HEATR5B: variants seen among roughly 807,000 people sequenced by gnomAD.
HEATR5B encodes the protein HEAT repeat containing 5B.
In HEATR5B, 156 loss-of-function variants were observed where a neutral mutation model predicts 224.1. The ratio of observed to expected loss-of-function variants is 0.70; its 90% confidence interval spans 0.61 to 0.80. The LOEUF (loss-of-function observed/expected upper bound fraction) is 0.80. Ranked by LOEUF, HEATR5B falls within the 30% of genes least tolerant of loss-of-function variation. The probability of loss-of-function intolerance (pLI) is 0.00; values close to 1 mark genes in which losing one functional copy is unlikely to be tolerated. For missense variants in HEATR5B, 2,323 were observed against 2,535.5 expected, an observed-to-expected ratio of 0.92 and a Z score of 1.80; for synonymous variants, 1,027 against 893.0, an observed-to-expected ratio of 1.15 and a Z score of -2.68.
chr2:37,020,936 TC>T (rs2148439387), intron 24 of HEATR5B, 100 bp from the exon 25 acceptor site: 1 of 672,912 alleles, frequency 1.5e-6, no homozygotes, highest in South Asian at 2.4e-5. Flanking sequence ...AAAAACACAA[TC>T]CACATATTTC....
chr2:36,989,989 CCTCCTGGGTTCAAGTGATT>C (rs2148332866), intron 34 of HEATR5B, among the ~76,000 whole-genome samples: 1 of 149,396 alleles, frequency 6.7e-6, no homozygotes, highest in African/African-American at 2.5e-5. Flanking sequence ...ACTCACTCCA[CCTCCTGGGTTCAAGTGATT>C]CTCCTGCCTC....
Position 36,989,685 on chromosome 2 carries a change from TGAAG to T in HEATR5B, c.5698-830_5698-827del, listed in dbSNP as rs983058782. The stretch of plus-strand genomic sequence containing the variant: ...TCAGATTAACACTTTTTTAAAAAAA[TGAAG>T]GAAGGAAAGAAGGAAGAGAGGGAGG... On this transcript the variant is annotated intron_variant, in intron 34 of 35. Transcript: ENST00000233099. Among the ~76,000 whole-genome samples, 17 of 151,862 alleles carry T rather than the reference TGAAG, an allele frequency of 1.1e-4. No homozygotes were observed. In the East Asian group the frequency reaches 2.9e-3, roughly 26 times the overall value.
Position 37,078,418 on chromosome 2 carries a change from G to C in HEATR5B, c.338+702C>G, listed in dbSNP as rs535922701. On this transcript the variant is annotated intron_variant, in intron 3 of 35. Transcript: ENST00000233099. ...CCATGGATCCACTGGAAATACATAT[G>C]AATGTATAATCAATTCTACTTAACC... 4.6e-5 allele frequency among the ~76,000 whole-genome samples: 7 copies of C among 152,304 alleles called. No individual in the cohort carries two copies. The East Asian group carries it at 1.3e-3, about 29-fold the overall frequency.
intron 16 of HEATR5B, chr2:37,055,045 G>A (rs767817771): frequency 3.0e-5 from 11 of 372,030 alleles, no homozygotes; most frequent in Non-Finnish European, 6.1e-5. Context: ...TGCACATTTT[G>A]ATGTACTTTA....
At chr2:37,016,591 A>C (rs1054432319) in intron 26 of HEATR5B, among the ~76,000 whole-genome samples, 8 of 152,230 alleles carry the variant, frequency 5.3e-5, no homozygotes, top group Non-Finnish European at 7.3e-5. Context: ...TACAAATCAC[A>C]ATAAGAAAGA....
chr2:37,070,088 T>A, intron 7 of HEATR5B, 142 bp downstream of exon 7: 1 of 710,356 alleles, frequency 1.4e-6, no homozygotes. Context: ...TTAGTAGACA[T>A]GGGGTTTCAC....
In HEATR5B at chr2:37,022,457, G is replaced by A. The variant is rs183210461; in HGVS notation, c.3854-1621C>T. Reference sequence around the variant, plus strand: ...CTCCCAAAGTGCTGGGATAACAGGCGTGAGCCACCATGCCTGGGCTCAGGC... The same window carrying A: ...CTCCCAAAGTGCTGGGATAACAGGCATGAGCCACCATGCCTGGGCTCAGGC... On this transcript the variant is annotated intron_variant, in intron 24 of 35. Coordinates refer to ENST00000233099, the MANE Select transcript of HEATR5B (RefSeq NM_019024.3). Among the ~76,000 whole-genome samples, 76 of 152,308 alleles carry A rather than the reference G, an allele frequency of 5.0e-4. 2 individuals are homozygous for A. The highest frequency in any genetic ancestry group is 4.0e-3 in the Admixed American group (61 of 15,296).
intron 35 of HEATR5B, among the ~76,000 whole-genome samples, chr2:36,984,129 G>T (rs1378043912): frequency 1.4e-5 from 2 of 144,362 alleles, no homozygotes; most frequent in Non-Finnish European, 1.5e-5. Flanking sequence ...GAACTCGGGA[G>T]GCGGAGGTTG....
At chr2:37,082,088 AGATGGAGTTTCACTC>A (rs1672614180) in intron 2 of HEATR5B, among the ~76,000 whole-genome samples, 1 of 7,702 alleles carries the variant, frequency 1.3e-4, no homozygotes, top group African/African-American at 3.0e-4. Context: ...TTTTTTTTTC[AGATGGAGTTTCACTC>A]TTGTCCCCCG....
chr2:37,083,323 C>A lies in HEATR5B; in HGVS notation c.92G>T (p.Arg31Leu). Residue 31 changes from arginine (R) to leucine (L), a missense_variant, in exon 2 of 36, where the codon CGA becomes CTA. By Grantham distance (102) the Arg-to-Leu change is moderately radical. Around this residue, in one of 12 missense-constraint regions of HEATR5B, gnomAD observed 292 missense variants for 332.6 expected, o/e 0.88. Transcript: ENST00000233099. Reference sequence around the variant, plus strand: ...AGCAACCAAGACTTTATCAAGAAATCGCAACCATTCAAAGATGAAAACTGG... The same window carrying A: ...AGCAACCAAGACTTTATCAAGAAATAGCAACCATTCAAAGATGAAAACTGG... ...KRPVFIFEWLRFLDKVLVAAN... is the reference protein window; with the variant it reads ...KRPVFIFEWLLFLDKVLVAAN... 6.2e-7 allele frequency: 1 copy of A among 1,614,068 alleles called. No individual in the cohort carries two copies. The highest frequency in any genetic ancestry group is 8.5e-7 in the Non-Finnish European group (1 of 1,179,974).
intron 33 of HEATR5B, 126 bp downstream of exon 33, chr2:37,000,460 G>A: frequency 1.4e-6 from 1 of 704,190 alleles, no homozygotes; most frequent in Non-Finnish European, 2.5e-6. Flanking sequence ...TGAAAGATAT[G>A]ACTAACATAC....
intron 2 of HEATR5B, among the ~76,000 whole-genome samples, chr2:37,082,086 T>TTTTTTTTTTTTTTTTTTTTTTGTTTTTC (rs371663046): frequency 1.8e-5 from 1 of 55,978 alleles, no homozygotes; most frequent in African/African-American, 5.7e-5. Context: ...TTTTTTTTTT[T>TTTTTTTTTTTTTTTTTTTTTTGTTTTTC]CAGATGGAGT....
chr2:37,019,271 T>C (rs1325916369), intron 26 of HEATR5B, among the ~76,000 whole-genome samples: 1 of 152,174 alleles, frequency 6.6e-6, no homozygotes, highest in Non-Finnish European at 1.5e-5. Flanking sequence ...GTCTATATTG[T>C]GAAATTCTCC....
chr2:37,024,668 C>A (rs962845421), intron 24 of HEATR5B, among the ~76,000 whole-genome samples: 3 of 152,090 alleles, frequency 2.0e-5, no homozygotes, highest in Non-Finnish European at 4.4e-5. Flanking sequence ...CAAGGCAGTA[C>A]AAAGTAGATT....
chr2:36,999,547 C>T (rs979290770), intron 33 of HEATR5B, among the ~76,000 whole-genome samples: 3 of 151,416 alleles, frequency 2.0e-5, no homozygotes, highest in Non-Finnish European at 2.9e-5. Flanking sequence ...GGCACGGTTG[C>T]GCACACCTGT....
At chr2:37,030,459 ACT>A (rs1669060469) in intron 22 of HEATR5B, among the ~76,000 whole-genome samples, 1 of 152,230 alleles carries the variant, frequency 6.6e-6, no homozygotes, top group Admixed American at 6.5e-5. Flanking sequence ...TTGATTAATC[ACT>A]GAGGACAAAT....
chr2:37,072,067 A>C, intron 6 of HEATR5B, 43 bp downstream of exon 6: 1 of 1,485,318 alleles, frequency 6.7e-7, no homozygotes, highest in Non-Finnish European at 9.2e-7. Flanking sequence ...TGCAATAACT[A>C]ATTAGGTCTG....
intron 16 of HEATR5B, among the ~76,000 whole-genome samples, chr2:37,054,018 A>G (rs1320047817): frequency 2.0e-5 from 3 of 152,024 alleles, no homozygotes; most frequent in Non-Finnish European, 4.4e-5. Flanking sequence ...AAATACTCTT[A>G]GAATAGTACC....
chr2:37,052,220 C>T (rs1389894572), intron 17 of HEATR5B, among the ~76,000 whole-genome samples: 1 of 152,126 alleles, frequency 6.6e-6, no homozygotes, highest in Non-Finnish European at 1.5e-5. Flanking sequence ...TGATAGAGTG[C>T]CTAGTATGAT....
Sources: allele counts gnomAD v4.1 joint callset (sites outside exome capture counted in the v4.1 genomes callset), GRCh38; gene constraint gnomAD v4.1.1; regional missense constraint gnomAD v4.1.1; transcripts MANE v1.5; gene names NCBI Gene and HGNC (gene_info 2026-07-23, HGNC 2026-07-21).